Variants in MYO1B observed in about 807,000 individuals in gnomAD.
MYO1B encodes unconventional myosin-Ib.
Under a neutral mutation model 159.7 loss-of-function variants are expected in MYO1B, and 72 were observed. The observed-to-expected ratio is 0.45, with a 90% CI of 0.37 to 0.55. The LOEUF is 0.55. Among genes scored for constraint, MYO1B ranks in the 20% least tolerant of loss-of-function variants. MYO1B has a pLI of 0.00. For synonymous variants in MYO1B, 468 were observed against 473.8 expected, an observed-to-expected ratio of 0.99 and a Z score of 0.16; for missense variants, 1,062 against 1,364.8, an observed-to-expected ratio of 0.78 and a Z score of 3.50.
intron 30 of MYO1B, among the ~76,000 whole-genome samples, chr2:191,421,092 CAG>C (rs1697907622): frequency 3.6e-5 from 5 of 138,398 alleles, no homozygotes; most frequent in Non-Finnish European, 4.6e-5. Flanking sequence ...TTTTTTGAGA[CAG>C]AGTCTTGCTC....
chr2:191,356,034 AT>A (rs1356715610), intron 7 of MYO1B, among the ~76,000 whole-genome samples: 1 of 152,074 alleles, frequency 6.6e-6, no homozygotes, highest in Non-Finnish European at 1.5e-5. Flanking sequence ...ACTCTTTTAA[AT>A]TGTTTGAGAT....
At chr2:191,363,163 A>G (rs1163506832) in intron 9 of MYO1B, among the ~76,000 whole-genome samples, 3 of 152,226 alleles carry the variant, frequency 2.0e-5, no homozygotes, top group Non-Finnish European at 2.9e-5. Context: ...AAACATCTTC[A>G]TATGGAAGCA....
At chr2:191,423,697 G>A in intron 30 of MYO1B, 140 bp from the exon 31 acceptor site, 1 of 766,668 alleles carries the variant, frequency 1.3e-6, no homozygotes, top group Non-Finnish European at 1.9e-6. Flanking sequence ...GAGTTTGGAG[G>A]TTTCAGATTT....
At chr2:191,279,281 T>C (rs1202914734) in intron 2 of MYO1B, among the ~76,000 whole-genome samples, 2 of 152,228 alleles carry the variant, frequency 1.3e-5, no homozygotes, top group African/African-American at 2.4e-5. Flanking sequence ...CATTCTCTAT[T>C]ATAAGTGAAA....
intron 9 of MYO1B, 103 bp downstream of exon 9, chr2:191,362,474 C>G: frequency 1.4e-6 from 1 of 734,016 alleles, no homozygotes; most frequent in South Asian, 2.6e-5. Flanking sequence ...AGCTCATTCT[C>G]CCTAAGGTTT....
chr2:191,308,182 T>C (rs1689769110), intron 3 of MYO1B, among the ~76,000 whole-genome samples: 1 of 152,098 alleles, frequency 6.6e-6, no homozygotes, highest in Non-Finnish European at 1.5e-5. Context: ...GAAAGGGACT[T>C]GTTATGAATA....
intron 2 of MYO1B, among the ~76,000 whole-genome samples, chr2:191,281,563 G>A (rs189199933): frequency 4.6e-5 from 7 of 152,176 alleles, no homozygotes; most frequent in East Asian, 3.9e-4. Context: ...TCCCCTCCCC[G>A]GCCCCCAGGC....
At chr2:191,299,166 C>G (rs1354309858) in intron 3 of MYO1B, among the ~76,000 whole-genome samples, 1 of 152,122 alleles carries the variant, frequency 6.6e-6, no homozygotes, top group African/African-American at 2.4e-5. Flanking sequence ...CATTTTTATC[C>G]TGGTGCCTGG....
intron 3 of MYO1B, among the ~76,000 whole-genome samples, chr2:191,307,751 A>G (rs763380303): frequency 3.3e-5 from 5 of 152,180 alleles, no homozygotes; most frequent in Non-Finnish European, 7.3e-5. Flanking sequence ...GGGGGTTTCC[A>G]TGATCCTCAG....
intron 23 of MYO1B, 33 bp from the exon 24 acceptor site, chr2:191,402,599 T>C (rs753337402): frequency 6.3e-7 from 1 of 1,582,812 alleles, no homozygotes; most frequent in Admixed American, 1.7e-5. Flanking sequence ...TGCATTGGGC[T>C]GTCTCTTTTA....
intron 3 of MYO1B, among the ~76,000 whole-genome samples, chr2:191,302,755 A>G (rs892395934): frequency 1.3e-5 from 2 of 152,234 alleles, no homozygotes; most frequent in Admixed American, 6.5e-5. Flanking sequence ...CAGTCTTTCC[A>G]TGTTAGTAAA....
intron 6 of MYO1B, among the ~76,000 whole-genome samples, chr2:191,347,211 A>G (rs1692625157): frequency 6.6e-6 from 1 of 152,134 alleles, no homozygotes. Context: ...TTTTGTGCTT[A>G]AGGCAGGACA....
At chr2:191,396,660 C>G (rs1223986192) in intron 21 of MYO1B, among the ~76,000 whole-genome samples, 163 bp downstream of exon 21, 1 of 152,180 alleles carries the variant, frequency 6.6e-6, no homozygotes, top group East Asian at 1.9e-4. Context: ...AACGGGGACC[C>G]TGGTGACCAT....
chr2:191,294,973 G>A (rs1688897529), intron 2 of MYO1B, among the ~76,000 whole-genome samples: 1 of 152,062 alleles, frequency 6.6e-6, no homozygotes, highest in African/African-American at 2.4e-5. Context: ...AATCCCAGTG[G>A]TGGTAATACT....
intron 3 of MYO1B, among the ~76,000 whole-genome samples, chr2:191,309,945 C>T (rs1162587645): frequency 6.6e-6 from 1 of 152,146 alleles, no homozygotes; most frequent in Admixed American, 6.5e-5. Context: ...ATGCCTGGCG[C>T]AGAGCAGCCA....
chr2:191,394,716 T>C (rs1695960969), intron 20 of MYO1B, among the ~76,000 whole-genome samples: 1 of 152,174 alleles, frequency 6.6e-6, no homozygotes, highest in South Asian at 2.1e-4. Flanking sequence ...ATCGGAAGGA[T>C]GAGAAAGAAC....
chr2:191,278,881 T>C (rs1687895059), intron 2 of MYO1B, among the ~76,000 whole-genome samples: 1 of 152,242 alleles, frequency 6.6e-6, no homozygotes. Context: ...TCAATTATAT[T>C]GTAACTAACG....
chr2:191,300,382 C>T (rs541955416), intron 3 of MYO1B, among the ~76,000 whole-genome samples: 4 of 149,518 alleles, frequency 2.7e-5, no homozygotes, highest in East Asian at 2.0e-4. Context: ...CTCGCTCTGT[C>T]GCCCAGGCTG....
At chr2:191,325,611 G>A (rs1691006127) in intron 3 of MYO1B, among the ~76,000 whole-genome samples, 1 of 152,016 alleles carries the variant, frequency 6.6e-6, no homozygotes, top group Admixed American at 6.6e-5. Context: ...GATGTATTTC[G>A]GTGTCACAGA....
Sources: allele counts gnomAD v4.1 joint callset (sites outside exome capture counted in the v4.1 genomes callset), GRCh38; gene constraint gnomAD v4.1.1; transcripts MANE v1.5; gene names NCBI Gene and HGNC (gene_info 2026-07-23, HGNC 2026-07-21).